The following ASTN1 variants were observed in gnomAD, a reference collection of about 807,000 sequenced individuals.
The protein encoded by ASTN1 is astrotactin 1.
ASTN1 carries 41 observed loss-of-function variants against 140.7 expected under a neutral mutation model. The ratio of observed to expected loss-of-function variants is 0.29; its 90% confidence interval spans 0.23 to 0.38. The LOEUF (loss-of-function observed/expected upper bound fraction) is 0.38. Among genes scored for constraint, ASTN1 ranks in the 10% least tolerant of loss-of-function variants. The pLI, the probability that ASTN1 is intolerant of heterozygous loss-of-function variation, is 1.00. For synonymous variants in ASTN1, 640 were observed against 652.2 expected (o/e 0.98, Z 0.29); for missense variants, 1,479 against 1,678.8 (o/e 0.88, Z 2.08).
intron 15 of ASTN1, among the ~76,000 whole-genome samples, chr1:176,935,038 C>T (rs1557971764): frequency 6.6e-6 from 1 of 152,216 alleles, no homozygotes; most frequent in Non-Finnish European, 1.5e-5. Flanking sequence ...CCCAACCCTG[C>T]AGGCAAATCT....
chr1:176,863,550 GTTCCCTC>G lies in ASTN1; in HGVS notation c.*727_*733del, dbSNP rs1668035079. 1 of 985,320 alleles carries G rather than the reference GTTCCCTC, an allele frequency of 1.0e-6. No homozygotes were observed. Among genetic ancestry groups the G allele is most frequent in the South Asian group, 4.7e-5 (1 of 21,288 alleles). The allele number at this position is 985,320 out of a possible 1,614,324, so 61.0% of individuals were successfully genotyped here. On this transcript the variant is annotated 3_prime_UTR_variant, in exon 23 of 23. Transcript: ENST00000361833. Reference sequence around the variant, plus strand: ...AGGTGCAGTTGACAGATGGCATCTTGTTCCCTCTCAAAGATCATGTTGTTCAGAGGAA... The same window carrying G: ...AGGTGCAGTTGACAGATGGCATCTTGTCAAAGATCATGTTGTTCAGAGGAA...
intron 4 of ASTN1, 30 bp downstream of exon 4, chr1:177,030,776 C>G (rs763418386): frequency 6.2e-7 from 1 of 1,613,318 alleles, no homozygotes; most frequent in Admixed American, 1.7e-5. Flanking sequence ...AAGGAATCCA[C>G]CCACGAGCCC....
At chr1:177,080,259 C>CAAA (rs11300384) in intron 1 of ASTN1, among the ~76,000 whole-genome samples, 4 of 48,400 alleles carry the variant, frequency 8.3e-5, no homozygotes, top group Non-Finnish European at 1.4e-4. Context: ...ATCACCAGGC[C>CAAA]AAAAAAAAAA....
intron 1 of ASTN1, among the ~76,000 whole-genome samples, chr1:177,080,952 T>C (rs190227416): frequency 6.6e-6 from 1 of 152,302 alleles, no homozygotes; most frequent in Non-Finnish European, 1.5e-5. Flanking sequence ...ACTCAATACA[T>C]GTGTGCACCC....
chr1:177,107,438 G>A (rs1280799711), intron 1 of ASTN1, among the ~76,000 whole-genome samples: 1 of 152,184 alleles, frequency 6.6e-6, no homozygotes, highest in Non-Finnish European at 1.5e-5. Flanking sequence ...AACCTAGGAA[G>A]GATAGTCCAT....
chr1:177,156,463 G>A (rs1683243149), intron 1 of ASTN1, among the ~76,000 whole-genome samples: 1 of 152,092 alleles, frequency 6.6e-6, no homozygotes, highest in Admixed American at 6.6e-5. Context: ...AACTGAAAGA[G>A]CTCCCATTAG....
At chr1:177,076,317 A>AAAAG (rs1678910580) in intron 1 of ASTN1, among the ~76,000 whole-genome samples, 1 of 150,718 alleles carries the variant, frequency 6.6e-6, no homozygotes, top group African/African-American at 2.4e-5. Context: ...AAAGAAAAAG[A>AAAAG]AAAGAAAGAA....
chr1:176,940,979 C>T (rs1357927483), intron 14 of ASTN1, among the ~76,000 whole-genome samples: 1 of 152,162 alleles, frequency 6.6e-6, no homozygotes, highest in Admixed American at 6.5e-5. Context: ...TCTTTGAAGG[C>T]AGAACCTGTT....
intron 17 of ASTN1, among the ~76,000 whole-genome samples, chr1:176,894,148 T>C (rs1442096953): frequency 1.3e-5 from 2 of 152,150 alleles, no homozygotes; most frequent in African/African-American, 4.8e-5. Context: ...CAGCTGCAGC[T>C]GGGCCAGGCT....
intron 8 of ASTN1, among the ~76,000 whole-genome samples, chr1:176,993,940 C>T (rs1037787676): frequency 3.3e-5 from 5 of 152,076 alleles, no homozygotes; most frequent in African/African-American, 1.2e-4. Flanking sequence ...CATTATAGTT[C>T]CGATGGAGAT....
chr1:176,869,349 G>T (rs2103012956), intron 21 of ASTN1, among the ~76,000 whole-genome samples: 1 of 152,160 alleles, frequency 6.6e-6, no homozygotes. Context: ...CCAGGCTTAA[G>T]TTTTCTATTC....
intron 1 of ASTN1, among the ~76,000 whole-genome samples, chr1:177,112,780 A>C (rs1384948843): frequency 6.6e-6 from 1 of 152,186 alleles, no homozygotes; most frequent in East Asian, 1.9e-4. Context: ...CAGCTTAGAC[A>C]GTCCCTGGTA....
intron 8 of ASTN1, among the ~76,000 whole-genome samples, chr1:177,012,931 T>TC (rs1379942391): frequency 2.6e-5 from 4 of 152,220 alleles, no homozygotes; most frequent in Non-Finnish European, 5.9e-5. Context: ...TTTTAATCAG[T>TC]AAGAACCACA....
chr1:177,135,657 T>C (rs1284812090), intron 1 of ASTN1, among the ~76,000 whole-genome samples: 3 of 152,186 alleles, frequency 2.0e-5, no homozygotes, highest in African/African-American at 7.2e-5. Flanking sequence ...TGGGCTTGGA[T>C]GTCTGTTCAC....
chr1:176,907,547 A>G (rs145898177), intron 16 of ASTN1, among the ~76,000 whole-genome samples: 16 of 152,368 alleles, frequency 1.1e-4, no homozygotes, highest in African/African-American at 3.8e-4. Context: ...GACAAAAAGC[A>G]CTGTTCAGTC....
intron 1 of ASTN1, among the ~76,000 whole-genome samples, chr1:177,102,796 A>C (rs1002151899): frequency 1.3e-5 from 2 of 152,222 alleles, no homozygotes; most frequent in African/African-American, 2.4e-5. Flanking sequence ...AATTTCTTTT[A>C]GACCCAAGAA....
At position 176,876,550 on chromosome 1, in the gene ASTN1, A is replaced by G. The variant is rs761388954; in HGVS notation, c.3450T>C (p.Asp1150=). The change falls in exon 21 of 23, where the codon GAT becomes GAC. Residue 1150 remains aspartate, a synonymous_variant. Coordinates refer to ENST00000361833, the MANE Select transcript of ASTN1 (RefSeq NM_004319.3). ...IVKTPCPVVD[D]VKAQEIADKI... is the part of the protein sequence containing the mutation. The stretch of plus-strand genomic sequence containing the variant: ...GATGTCTCTTACCTTGAGCCTTGAC[A>G]TCATCCACCACGGGGCATGGGGTCT... 6.2e-7 allele frequency: 1 copy of G among 1,614,130 alleles called. No homozygotes were observed. Among genetic ancestry groups the G allele is most frequent in the East Asian group, 2.2e-5 (1 of 44,868 alleles).
In ASTN1 at chr1:177,131,530, ATT is replaced by A. The variant is rs58465405; in HGVS notation, c.283+32862_283+32863del. 9.8e-4 allele frequency among the ~76,000 whole-genome samples: 147 copies of A among 150,252 alleles called. 1 individual carries two copies. Among genetic ancestry groups the A allele is most frequent in the African/African-American group, 3.5e-3 (142 of 41,114 alleles). ...GCCTTCCCAGAATTCATAAAATTAC[ATT>A]TTTTTTTTAGATTTTTATAGGATGG... On this transcript the variant is annotated intron_variant, in intron 1 of 22. Coordinates refer to ENST00000361833, the MANE Select transcript of ASTN1 (RefSeq NM_004319.3).
At chr1:176,999,805 T>C (rs1464395518) in intron 8 of ASTN1, among the ~76,000 whole-genome samples, 1 of 152,134 alleles carries the variant, frequency 6.6e-6, no homozygotes, top group African/African-American at 2.4e-5. Context: ...TTGATGGTTT[T>C]ATGTGTCTGG....
Sources: gnomAD v4.1 joint callset for allele counts (sites outside exome capture counted in the v4.1 genomes callset) on GRCh38, gnomAD v4.1.1 for gene constraint, MANE v1.5 for transcripts, NCBI Gene and HGNC (gene_info 2026-07-23, HGNC 2026-07-21) for gene names.